The following VWA3B variants were observed in gnomAD, a reference collection of about 807,000 sequenced individuals.
VWA3B encodes the protein von Willebrand factor A domain-containing protein 3B.
Under a neutral mutation model 158.3 loss-of-function variants are expected in VWA3B, and 138 were observed. That is an observed-to-expected ratio of 0.87 (90% CI 0.76 to 1.00). The LOEUF is 1.00. VWA3B is among the 50% of genes least tolerant of loss of function. VWA3B has a pLI of 0.00. For missense variants in VWA3B, 1,555 were observed against 1,565.1 expected, an observed-to-expected ratio of 0.99 and a Z score of 0.11; for synonymous variants, 596 against 587.3, an observed-to-expected ratio of 1.01 and a Z score of -0.21.
At chr2:98,243,172 G>C (rs1445754127) in intron 19 of VWA3B, among the ~76,000 whole-genome samples, 1 of 151,912 alleles carries the variant, frequency 6.6e-6, no homozygotes, top group Non-Finnish European at 1.5e-5. Flanking sequence ...TTTTGTACCT[G>C]CATTTTTCAA....
chr2:98,258,191 C>T (rs1399525636), intron 21 of VWA3B, among the ~76,000 whole-genome samples: 10 of 151,862 alleles, frequency 6.6e-5, no homozygotes, highest in Non-Finnish European at 1.5e-4. Flanking sequence ...TTTCTGGACT[C>T]TCTATTCTAT....
chr2:98,193,586 A>T (rs1681774990), intron 11 of VWA3B, among the ~76,000 whole-genome samples: 1 of 152,028 alleles, frequency 6.6e-6, no homozygotes, highest in African/African-American at 2.4e-5. Context: ...TGTTTGAGAA[A>T]TACAAAATGC....
Position 98,217,934 on chromosome 2 carries a change from A to G in VWA3B, c.1925A>G (p.Asn642Ser), listed in dbSNP as rs1475948180. The G allele has an allele frequency of 6.2e-7, 1 of 1,613,682 alleles. No homozygotes were observed. Among genetic ancestry groups the G allele is most frequent in the Admixed American group, 1.7e-5 (1 of 59,976 alleles). Residue 642 changes from asparagine (N) to serine (S), a missense_variant, in exon 14 of 28, where the codon AAC becomes AGC. Coordinates refer to ENST00000477737, the MANE Select transcript of VWA3B (RefSeq NM_144992.5). ...ISFNYNDEIANRFLKEVAALT... is the reference protein window; with the variant it reads ...ISFNYNDEIASRFLKEVAALT... ...TTCAATTACAATGATGAGATTGCAA[A>G]CAGGTTTTTGAAAGAGGTTGCTGCT...
At chr2:98,190,344 G>A (rs1302905281) in intron 10 of VWA3B, among the ~76,000 whole-genome samples, 1 of 152,036 alleles carries the variant, frequency 6.6e-6, no homozygotes, top group Non-Finnish European at 1.5e-5. Flanking sequence ...CTATTGTTGT[G>A]CACTTCTGTG....
intron 20 of VWA3B, among the ~76,000 whole-genome samples, chr2:98,252,801 C>T (rs150083063): frequency 2.4e-4 from 36 of 152,234 alleles, no homozygotes; most frequent in African/African-American, 7.5e-4. Flanking sequence ...CCTTTCTTAG[C>T]AGCAAAACCA....
intron 8 of VWA3B, among the ~76,000 whole-genome samples, chr2:98,174,689 C>T (rs1008561494): frequency 2.0e-5 from 3 of 152,166 alleles, no homozygotes; most frequent in Admixed American, 2.0e-4. Context: ...ATAGCCCAGG[C>T]AGGCACATGC....
At chr2:98,163,042 T>A (rs758707557) in intron 8 of VWA3B, 66 bp downstream of exon 8, 238 of 1,591,986 alleles carry the variant, frequency 1.5e-4, no homozygotes, top group Non-Finnish European at 2.0e-4. Flanking sequence ...GACCAGGGGC[T>A]GCTTCCATGT....
intron 19 of VWA3B, among the ~76,000 whole-genome samples, chr2:98,244,296 C>CTT (rs1305426146): frequency 1.3e-5 from 2 of 152,074 alleles, no homozygotes; most frequent in Non-Finnish European, 2.9e-5. Flanking sequence ...CCTCATTTTC[C>CTT]TGTATCTCTT....
chr2:98,098,218 T>C (rs1682846345), intron 2 of VWA3B, among the ~76,000 whole-genome samples: 1 of 152,156 alleles, frequency 6.6e-6, no homozygotes, highest in African/African-American at 2.4e-5. Flanking sequence ...GAATGTTCTG[T>C]GTATGTTTAT....
In VWA3B at chr2:98,303,793, A is replaced by C; in HGVS notation, c.3512A>C (p.Asp1171Ala). ...SHIKSPPIPEDPEVEDVEARN... is the reference protein window; with the variant it reads ...SHIKSPPIPEAPEVEDVEARN... The stretch of plus-strand genomic sequence containing the variant: ...ATAAAGTCACCCCCAATTCCTGAGG[A>C]TCCAGAAGTGTAAGTGTACTCAACT... Residue 1171 changes from aspartate (D) to alanine (A), a missense_variant, in exon 26 of 28, where the codon GAT becomes GCT. By Grantham distance (126) the Asp-to-Ala change is moderately radical. Coordinates refer to ENST00000477737, the MANE Select transcript of VWA3B (RefSeq NM_144992.5). 1 of 1,614,082 alleles carries C rather than the reference A, an allele frequency of 6.2e-7. No individual in the cohort carries two copies. The highest frequency in any genetic ancestry group is 8.5e-7 in the Non-Finnish European group (1 of 1,179,952).
At chr2:98,312,172 T>C (rs1165045635) in intron 27 of VWA3B, 28 bp from the exon 28 acceptor site, 1 of 1,614,084 alleles carries the variant, frequency 6.2e-7, no homozygotes, top group South Asian at 1.1e-5. Flanking sequence ...CTAACATCCT[T>C]AAGTAATGCT....
intron 24 of VWA3B, among the ~76,000 whole-genome samples, chr2:98,299,833 C>T (rs538637780): frequency 6.6e-6 from 1 of 152,314 alleles, no homozygotes; most frequent in East Asian, 1.9e-4. Context: ...CTGGCAGACC[C>T]TTGGGTCCTT....
intron 2 of VWA3B, among the ~76,000 whole-genome samples, chr2:98,105,782 G>T (rs550286510): frequency 6.6e-6 from 1 of 151,900 alleles, no homozygotes; most frequent in Non-Finnish European, 1.5e-5. Context: ...TTTACTATGG[G>T]TGTTCAGTTG....
chr2:98,242,313 G>A (rs941436835), intron 19 of VWA3B: 7 of 456,006 alleles, frequency 1.5e-5, no homozygotes, highest in Non-Finnish European at 3.1e-5. Flanking sequence ...TGAGCAAAGA[G>A]GTTGCCCTAG....
At chr2:98,101,863 T>G (rs1488086523) in intron 2 of VWA3B, among the ~76,000 whole-genome samples, 1 of 151,612 alleles carries the variant, frequency 6.6e-6, no homozygotes, top group Non-Finnish European at 1.5e-5. Context: ...TTTTTATTTT[T>G]TATTTTTTTA....
the VWA3B span, among the ~76,000 whole-genome samples, chr2:98,326,562 A>G: frequency 2.0e-5 from 3 of 151,956 alleles, no homozygotes; most frequent in African/African-American, 7.3e-5. Flanking sequence ...GGATTTCGAG[A>G]CCAGCCTGGG....
At chr2:98,300,731 G>T (rs1421019877) in intron 25 of VWA3B, among the ~76,000 whole-genome samples, 2 of 152,028 alleles carry the variant, frequency 1.3e-5, no homozygotes, top group Non-Finnish European at 2.9e-5. Context: ...CCTGCCCTGA[G>T]CTCCAACCCT....
intron 8 of VWA3B, among the ~76,000 whole-genome samples, chr2:98,171,228 C>T (rs189140758): frequency 4.3e-4 from 66 of 152,266 alleles, no homozygotes; most frequent in African/African-American, 1.5e-3. Context: ...CCTCATAAAG[C>T]AGGACCTACA....
At chr2:98,169,897 T>C (rs959625983) in intron 8 of VWA3B, among the ~76,000 whole-genome samples, 3 of 152,046 alleles carry the variant, frequency 2.0e-5, no homozygotes, top group Admixed American at 2.0e-4. Context: ...GGTAGGCAGA[T>C]CACTTCAGCC....
Sources: allele counts gnomAD v4.1 joint callset (sites outside exome capture counted in the v4.1 genomes callset), GRCh38; gene constraint gnomAD v4.1.1; transcripts MANE v1.5; gene names NCBI Gene and HGNC (gene_info 2026-07-23, HGNC 2026-07-21).